NAV3: variants seen among roughly 807,000 people sequenced by gnomAD.
The protein encoded by NAV3 is pore membrane and/or filament interacting like protein 1.
Under a neutral mutation model 244.7 loss-of-function variants are expected in NAV3, and 87 were observed. The ratio of observed to expected loss-of-function variants is 0.36; its 90% CI spans 0.30 to 0.42. The LOEUF is 0.42. NAV3 is among the 20% of genes least tolerant of loss of function. The probability of loss-of-function intolerance (pLI) is 1.00; values close to 1 mark genes in which losing one functional copy is unlikely to be tolerated. For synonymous variants in NAV3, 1,126 were observed against 1,042.2 expected (o/e 1.08, Z -1.55); for missense variants, 2,663 against 2,893.3 (o/e 0.92, Z 1.83).
At chr12:77,983,484 AG>A (rs112482795) in intron 5 of NAV3, among the ~76,000 whole-genome samples, 10 of 152,292 alleles carry the variant, frequency 6.6e-5, no homozygotes, top group African/African-American at 2.2e-4. Context: ...AGAGAAAAAA[AG>A]TTTAGCTTTG....
intron 2 of NAV3, among the ~76,000 whole-genome samples, chr12:77,644,124 G>T (rs1194251325): frequency 6.6e-6 from 1 of 152,106 alleles, no homozygotes; most frequent in Non-Finnish European, 1.5e-5. Flanking sequence ...CAATGTAAAA[G>T]AAAGTAGAAC....
At chr12:77,780,068 G>T (rs140843967) in intron 2 of NAV3, among the ~76,000 whole-genome samples, 1 of 151,898 alleles carries the variant, frequency 6.6e-6, no homozygotes, top group African/African-American at 2.4e-5. Context: ...TCTTATTTCA[G>T]TTTCTACTTA....
chr12:78,020,232 T>C (rs1282510246), intron 8 of NAV3, among the ~76,000 whole-genome samples: 1 of 152,096 alleles, frequency 6.6e-6, no homozygotes. Flanking sequence ...CACTGGAGAA[T>C]TTTTGCCATA....
intron 3 of NAV3, among the ~76,000 whole-genome samples, chr12:77,954,052 G>C (rs953413468): frequency 6.6e-6 from 1 of 152,130 alleles, no homozygotes; most frequent in Non-Finnish European, 1.5e-5. Flanking sequence ...GCTTATGGTG[G>C]ATGCCAGCAT....
At chr12:77,811,677 T>G (rs1408149206) in intron 2 of NAV3, among the ~76,000 whole-genome samples, 2 of 152,154 alleles carry the variant, frequency 1.3e-5, no homozygotes, top group East Asian at 3.9e-4. Context: ...ACATAAGCAT[T>G]CAAATAAGTT....
intron 1 of NAV3, among the ~76,000 whole-genome samples, chr12:77,853,830 TTC>T (rs1329284006): frequency 2.0e-5 from 3 of 152,194 alleles, no homozygotes; most frequent in Non-Finnish European, 4.4e-5. Flanking sequence ...GAGGTGAAAA[TTC>T]TCTCTCTGTT....
chr12:77,893,250 CTGTAAA>C (rs1486450027), intron 1 of NAV3, among the ~76,000 whole-genome samples: 1 of 152,104 alleles, frequency 6.6e-6, no homozygotes, highest in African/African-American at 2.4e-5. Flanking sequence ...TTACATTATG[CTGTAAA>C]TTTTCTAATC....
chr12:77,857,114 A>G lies in NAV3; in HGVS notation c.243+25410A>G, dbSNP rs187298804. Among the ~76,000 whole-genome samples the G allele has an allele frequency of 2.5e-4, 38 of 152,256 alleles. No individual in the cohort carries two copies. In the East Asian group the frequency reaches 7.1e-3, roughly 29 times the overall value. On this transcript the variant is annotated intron_variant, in intron 1 of 39. Transcript: ENST00000397909. ...TCTGATAAATTTGGAGGGGAATTCA[A>G]GCATGAAAGTTGGAATCCAACTGTT... is the stretch of plus-strand genomic sequence containing the variant.
chr12:78,085,285 C>A (rs1953572475), intron 12 of NAV3, among the ~76,000 whole-genome samples: 1 of 152,090 alleles, frequency 6.6e-6, no homozygotes, highest in Non-Finnish European at 1.5e-5. Context: ...TTTCTTATTA[C>A]TAGACTCAGA....
intron 2 of NAV3, among the ~76,000 whole-genome samples, chr12:77,758,319 A>G (rs1356865526): frequency 6.6e-6 from 1 of 152,224 alleles, no homozygotes; most frequent in Non-Finnish European, 1.5e-5. Flanking sequence ...AAACTCCAAA[A>G]AAGAAAAAAA....
At chr12:78,075,519 C>T (rs1477475065) in intron 12 of NAV3, among the ~76,000 whole-genome samples, 1 of 152,060 alleles carries the variant, frequency 6.6e-6, no homozygotes, top group Non-Finnish European at 1.5e-5. Context: ...ATCTCCTGGC[C>T]TGGCTGTGGT....
At chr12:77,913,499 C>G (rs1056950706) in intron 1 of NAV3, among the ~76,000 whole-genome samples, 1 of 152,030 alleles carries the variant, frequency 6.6e-6, no homozygotes, top group South Asian at 2.1e-4. Flanking sequence ...GTGGCGCAAT[C>G]TCGATTCACT....
At chr12:77,921,997 G>GCCA (rs1374839015) in intron 1 of NAV3, among the ~76,000 whole-genome samples, 4 of 152,146 alleles carry the variant, frequency 2.6e-5, no homozygotes, top group African/African-American at 9.7e-5. Flanking sequence ...AGAGAATGCT[G>GCCA]TATAGGGTAA....
chr12:77,695,022 G>A (rs1264786284), intron 2 of NAV3, among the ~76,000 whole-genome samples: 2 of 152,186 alleles, frequency 1.3e-5, no homozygotes, highest in Admixed American at 6.5e-5. Flanking sequence ...GAGTACATAA[G>A]TGCCAGAAGC....
chr12:77,611,723 G>A (rs1166755019), intron 2 of NAV3, among the ~76,000 whole-genome samples: 4 of 151,738 alleles, frequency 2.6e-5, no homozygotes, highest in East Asian at 1.9e-4. Context: ...TTTTAAAAGC[G>A]CATACTTTAC....
chr12:77,586,573 T>C (rs1261528707), intron 2 of NAV3, among the ~76,000 whole-genome samples: 3 of 152,212 alleles, frequency 2.0e-5, no homozygotes, highest in African/African-American at 2.4e-5. Context: ...GAGCATCTAC[T>C]AGAAGTTTAG....
chr12:77,877,761 G>A (rs1360993032), intron 1 of NAV3, among the ~76,000 whole-genome samples: 4 of 152,062 alleles, frequency 2.6e-5, no homozygotes, highest in South Asian at 4.1e-4. Context: ...CTTCCGAAGC[G>A]TGCAGTATCA....
At chr12:77,823,597 C>T (rs1565827735) in intron 2 of NAV3, among the ~76,000 whole-genome samples, 1 of 152,166 alleles carries the variant, frequency 6.6e-6, no homozygotes, top group Non-Finnish European at 1.5e-5. Flanking sequence ...AGATCTGTAC[C>T]TTCTTTAACA....
At chr12:78,007,473 T>C (rs1421262461) in intron 8 of NAV3, 28 bp downstream of exon 8, 1 of 1,595,398 alleles carries the variant, frequency 6.3e-7, no homozygotes, top group African/African-American at 1.3e-5. Context: ...TATCCACAGT[T>C]GTAAATATAT....
Sources: allele counts gnomAD v4.1 joint callset (sites outside exome capture counted in the v4.1 genomes callset), GRCh38; gene constraint gnomAD v4.1.1; transcripts MANE v1.5; gene names NCBI Gene and HGNC (gene_info 2026-07-23, HGNC 2026-07-21).